Variants in PDE4D observed in about 807,000 individuals in gnomAD.
The protein encoded by PDE4D is 3',5'-cyclic-AMP phosphodiesterase 4D.
In PDE4D, 24 loss-of-function variants were observed where a neutral mutation model predicts 87.4. The ratio of observed to expected loss-of-function variants is 0.27; its 90% CI spans 0.20 to 0.39. The LOEUF (loss-of-function observed/expected upper bound fraction) is 0.39, where lower values mean the gene tolerates loss of function less well. Among genes scored for constraint, PDE4D ranks in the 10% least tolerant of loss-of-function variants. The pLI is 1.00. For synonymous variants in PDE4D, 384 were observed against 383.2 expected, an observed-to-expected ratio of 1.00 and a Z score of -0.02; for missense variants, 714 against 1,041.0, an observed-to-expected ratio of 0.69 and a Z score of 4.32.
intron 2 of PDE4D, among the ~76,000 whole-genome samples, chr5:60,107,808 GCC>G (rs1255116923): frequency 3.9e-5 from 6 of 151,974 alleles, no homozygotes; most frequent in Non-Finnish European, 8.8e-5. Context: ...AAATTCAACA[GCC>G]CTTCATGCTA....
chr5:60,371,447 T>G (rs1212877869), intron 1 of PDE4D, among the ~76,000 whole-genome samples: 1 of 152,190 alleles, frequency 6.6e-6, no homozygotes. Flanking sequence ...AGCCTTTTTT[T>G]CCTAGCTGCA....
chr5:60,500,814 T>A (rs1477321878), intron 1 of PDE4D, among the ~76,000 whole-genome samples: 1 of 152,160 alleles, frequency 6.6e-6, no homozygotes, highest in African/African-American at 2.4e-5. Flanking sequence ...GCCAAAGACA[T>A]AGCAAGAACC....
intron 5 of PDE4D, among the ~76,000 whole-genome samples, chr5:59,080,059 C>T (rs1189524448): frequency 6.6e-6 from 1 of 152,158 alleles, no homozygotes; most frequent in Non-Finnish European, 1.5e-5. Flanking sequence ...TGTACACACA[C>T]ACGTTTCCCA....
At position 60,386,843 on chromosome 5, in the gene PDE4D, C is replaced by A. The variant is rs570226999; in HGVS notation, c.-90+101099G>T. 1.6e-3 allele frequency among the ~76,000 whole-genome samples: 251 copies of A among 152,290 alleles called. 1 individual carries two copies. Among genetic ancestry groups the A allele is most frequent in the African/African-American group, 6.0e-3 (248 of 41,558 alleles). On this transcript the variant is annotated intron_variant, in intron 1 of 16. Coordinates refer to the PDE4D transcript ENST00000502484. Reference sequence around the variant, plus strand: ...TGAAAGCTAAACATATGGTAGATATCTTTGATCTGGGATCTGTGACACAGT... The same window carrying A: ...TGAAAGCTAAACATATGGTAGATATATTTGATCTGGGATCTGTGACACAGT...
intron 1 of PDE4D, among the ~76,000 whole-genome samples, chr5:59,483,655 G>C (rs138893174): frequency 6.6e-6 from 1 of 152,104 alleles, no homozygotes; most frequent in Admixed American, 6.6e-5. Context: ...GACTGGAGGT[G>C]GTGGTGGAGG....
At chr5:60,186,732 A>G (rs894086391) in intron 1 of PDE4D, among the ~76,000 whole-genome samples, 12 of 152,218 alleles carry the variant, frequency 7.9e-5, no homozygotes, top group Admixed American at 2.0e-4. Context: ...AAAGAGTAAC[A>G]GTGATTAAGG....
At chr5:59,964,709 G>A (rs1008129339) in intron 3 of PDE4D, among the ~76,000 whole-genome samples, 1 of 151,940 alleles carries the variant, frequency 6.6e-6, no homozygotes, top group African/African-American at 2.4e-5. Flanking sequence ...CTTCCTGATT[G>A]GTCTCTCCAC....
intron 2 of PDE4D, among the ~76,000 whole-genome samples, chr5:60,081,513 C>T (rs1164662649): frequency 2.6e-5 from 4 of 152,212 alleles, no homozygotes; most frequent in African/African-American, 9.6e-5. Context: ...TTCCAGCTTT[C>T]TTATGTGGGC....
At chr5:60,379,099 T>C (rs779934087) in intron 1 of PDE4D, among the ~76,000 whole-genome samples, 1 of 152,056 alleles carries the variant, frequency 6.6e-6, no homozygotes, top group Non-Finnish European at 1.5e-5. Context: ...CTCTTAACTA[T>C]TGTGTGCCTG....
At chr5:59,420,907 G>A (rs574351965) in intron 1 of PDE4D, among the ~76,000 whole-genome samples, 2 of 152,116 alleles carry the variant, frequency 1.3e-5, no homozygotes, top group South Asian at 2.1e-4. Context: ...GCAGGAGGGC[G>A]ATTTAGGAAA....
intron 1 of PDE4D, among the ~76,000 whole-genome samples, chr5:60,500,973 C>G (rs911128088): frequency 6.6e-6 from 1 of 150,746 alleles, no homozygotes; most frequent in African/African-American, 2.5e-5. Flanking sequence ...GATACCAGAG[C>G]TACAGGTTTT....
At chr5:60,463,940 CT>C (rs1747151581) in intron 1 of PDE4D, among the ~76,000 whole-genome samples, 1 of 152,146 alleles carries the variant, frequency 6.6e-6, no homozygotes, top group Admixed American at 6.5e-5. Flanking sequence ...AATGGTTCCT[CT>C]TTTTTATGGA....
chr5:59,110,291 C>T (rs961846931), intron 5 of PDE4D, among the ~76,000 whole-genome samples: 18 of 152,174 alleles, frequency 1.2e-4, no homozygotes, highest in Non-Finnish European at 2.1e-4. Flanking sequence ...TGGTTGAGGA[C>T]AGATTCTGGA....
intron 1 of PDE4D, among the ~76,000 whole-genome samples, chr5:59,296,974 G>A (rs989166013): frequency 7.2e-5 from 11 of 152,138 alleles, no homozygotes; most frequent in Admixed American, 7.2e-4. Context: ...ACTGAGATCT[G>A]ATACTTCCTT....
intron 2 of PDE4D, among the ~76,000 whole-genome samples, chr5:59,992,671 A>G (rs1166551930): frequency 6.6e-6 from 1 of 152,190 alleles, no homozygotes; most frequent in Non-Finnish European, 1.5e-5. Flanking sequence ...GAATGACTTA[A>G]TGTTTTTGAC....
At chr5:59,693,889 AC>A (rs1751354478) in intron 1 of PDE4D, among the ~76,000 whole-genome samples, 2 of 152,202 alleles carry the variant, frequency 1.3e-5, no homozygotes, top group Admixed American at 1.3e-4. Context: ...CCTCCATTCT[AC>A]TGAATATGTG....
At chr5:60,375,595 T>C (rs897467443) in intron 1 of PDE4D, among the ~76,000 whole-genome samples, 8 of 152,122 alleles carry the variant, frequency 5.3e-5, no homozygotes, top group African/African-American at 1.7e-4. Flanking sequence ...AGATGCCCCT[T>C]TTACATGGAT....
intron 1 of PDE4D, among the ~76,000 whole-genome samples, chr5:60,504,160 C>T (rs1314574129): frequency 6.6e-6 from 1 of 152,160 alleles, no homozygotes; most frequent in Admixed American, 6.6e-5. Flanking sequence ...TCTGCAGTCT[C>T]CTGGGGACTA....
Position 58,993,473 on chromosome 5 carries a change from A to G in PDE4D, c.922-8T>C, listed in dbSNP as rs1168673755. Reference sequence around the variant, plus strand: ...ATTAAGCATCCTTTTAAACTGAAAAACAGAAAAGTAAAATGAAATAATAGA... The same window carrying G: ...ATTAAGCATCCTTTTAAACTGAAAAGCAGAAAAGTAAAATGAAATAATAGA... On this transcript the variant is annotated splice_region_variant and splice_polypyrimidine_tract_variant and intron_variant, in intron 6 of 14. Coordinates refer to ENST00000340635, the MANE Select transcript of PDE4D (RefSeq NM_001104631.2). The G allele has an allele frequency of 6.5e-7, 1 of 1,540,134 alleles. No homozygotes were observed. The highest frequency in any genetic ancestry group is 1.9e-5 in the Admixed American group (1 of 52,428).
Sources: gnomAD v4.1 joint callset for allele counts (sites outside exome capture counted in the v4.1 genomes callset) on GRCh38, gnomAD v4.1.1 for gene constraint, MANE v1.5 for transcripts, NCBI Gene and HGNC (gene_info 2026-07-23, HGNC 2026-07-21) for gene names.